Variants in ZBTB16 observed in about 807,000 individuals in gnomAD.
ZBTB16 encodes the protein zinc finger and BTB domain-containing protein 16.
In ZBTB16, 8 loss-of-function variants were observed where a neutral mutation model predicts 56.8. That is an observed-to-expected ratio of 0.14 (90% CI 0.08 to 0.25). The LOEUF (loss-of-function observed/expected upper bound fraction) is 0.25, where lower values mean the gene tolerates loss of function less well. Ranked by LOEUF, ZBTB16 falls within the 10% of genes least tolerant of loss-of-function variation. ZBTB16 has a pLI of 1.00. For synonymous variants in ZBTB16, 363 were observed against 368.5 expected, an observed-to-expected ratio of 0.98 and a Z score of 0.17; for missense variants, 625 against 903.0, an observed-to-expected ratio of 0.69 and a Z score of 3.95.
At chr11:114,122,294 G>T (rs1362075781) in intron 2 of ZBTB16, among the ~76,000 whole-genome samples, 1 of 152,170 alleles carries the variant, frequency 6.6e-6, no homozygotes, top group African/African-American at 2.4e-5. Context: ...TTTGTGGCGT[G>T]TTCTTTGGCA....
At chr11:114,091,822 G>C (rs980854439) in intron 2 of ZBTB16, among the ~76,000 whole-genome samples, 1 of 151,868 alleles carries the variant, frequency 6.6e-6, no homozygotes, top group Non-Finnish European at 1.5e-5. Context: ...AAACCAAATG[G>C]CCTCCCCTCC....
At chr11:114,116,631 G>A (rs1276383148) in intron 2 of ZBTB16, among the ~76,000 whole-genome samples, 1 of 152,138 alleles carries the variant, frequency 6.6e-6, no homozygotes, top group Non-Finnish European at 1.5e-5. Flanking sequence ...TACTAGATGT[G>A]TTTGGCTCTG....
rs199676604 is a variant in ZBTB16, at chr11:114,064,223, C to A, written c.923C>A (p.Pro308His). 28 of 1,613,988 alleles carry A rather than the reference C, an allele frequency of 1.7e-5. No individual in the cohort carries two copies. In the Admixed American group the frequency reaches 2.5e-4, roughly 14 times the overall value. The stretch of plus-strand genomic sequence containing the variant: ...GAGGAGAGTGCCGAGCAGGTGCCAC[C>A]CCCAGCTGAGGCTGGCCAGGCCCCC... ...GREESAEQVPPPAEAGQAPTG... is the reference protein window; with the variant it reads ...GREESAEQVPHPAEAGQAPTG... The change falls in exon 2 of 7, where the codon CCC (proline) becomes CAC (histidine). Residue 308 changes from proline (P) to histidine (H), a missense_variant. By Grantham distance (77) the Pro-to-His change is moderately conservative. This residue lies in a region of ZBTB16 where 384 missense variants were observed against 393.5 expected (regional missense o/e 0.98). Transcript: ENST00000335953. This position sits in a 1 kb window ranked among gnomAD's most constrained non-coding sequence, Gnocchi z 4.2.
chr11:114,155,915 C>T (rs1167814089), intron 2 of ZBTB16, among the ~76,000 whole-genome samples: 1 of 152,114 alleles, frequency 6.6e-6, no homozygotes, highest in Admixed American at 6.5e-5. Context: ...CCTCCTGGGT[C>T]CCATGGGCTC....
In ZBTB16 at chr11:114,143,582, T is replaced by C. The variant is rs919608864; in HGVS notation, c.1269-12755T>C. Among the ~76,000 whole-genome samples, 1 of 152,050 alleles carries C rather than the reference T, an allele frequency of 6.6e-6. No individual in the cohort carries two copies. Among genetic ancestry groups the C allele is most frequent in the Non-Finnish European group, 1.5e-5 (1 of 68,018 alleles). On this transcript the variant is annotated intron_variant, in intron 2 of 6. Coordinates refer to ENST00000335953, the MANE Select transcript of ZBTB16 (RefSeq NM_006006.6). The surrounding 1 kb of genome is among the most constrained non-coding windows in gnomAD (Gnocchi z 6.4). ...GTAGAAAAAATACGCTAGTGACAGG[T>C]CCTCCCTCCATCCCAGATGTGTGAT... is the stretch of plus-strand genomic sequence containing the variant.
At position 114,060,073 on chromosome 11, in the gene ZBTB16, A is replaced by C. The variant is rs1938759499; in HGVS notation, c.-91+191A>C. On this transcript the variant is annotated intron_variant, in intron 1 of 6. Transcript: ENST00000335953. This position sits in a 1 kb window ranked among gnomAD's most constrained non-coding sequence, Gnocchi z 6.0. ...CGCCACCGGTTGGGGGTCGGCTAGA[A>C]GGGGGAGCCCCGGCTGTCAGCCTGG... 6.6e-6 allele frequency among the ~76,000 whole-genome samples: 1 copy of C among 152,086 alleles called. No homozygotes were observed. Among genetic ancestry groups the C allele is most frequent in the Non-Finnish European group, 1.5e-5 (1 of 68,018 alleles).
intron 2 of ZBTB16, among the ~76,000 whole-genome samples, chr11:114,109,819 A>G (rs1020638586): frequency 6.6e-6 from 1 of 152,054 alleles, no homozygotes; most frequent in Non-Finnish European, 1.5e-5. Flanking sequence ...TCTCTTAGGG[A>G]ACTTGGTTCT....
chr11:114,255,595 C>T lies in ZBTB16; in HGVS notation c.*5040C>T, dbSNP rs1944989360. Reference sequence around the variant, plus strand: ...CCGAGTTGTGCTTGCCGCTCCTTATCTGTTCTAGTTCCGAAGCAGTTTCAC... The same window carrying T: ...CCGAGTTGTGCTTGCCGCTCCTTATTTGTTCTAGTTCCGAAGCAGTTTCAC... On this transcript the variant is annotated 3_prime_UTR_variant, in exon 7 of 7. Coordinates refer to ENST00000335953, the MANE Select transcript of ZBTB16 (RefSeq NM_006006.6). Among the ~76,000 whole-genome samples the T allele has an allele frequency of 6.6e-6, 1 of 151,754 alleles. No homozygotes were observed. The highest frequency in any genetic ancestry group is 2.4e-5 in the African/African-American group (1 of 41,306).
At chr11:114,191,524 C>T (rs183515550) in intron 4 of ZBTB16, among the ~76,000 whole-genome samples, 154 of 152,254 alleles carry the variant, frequency 1.0e-3, no homozygotes, top group African/African-American at 2.8e-3. Context: ...AGCCTAGAAG[C>T]TACCCACTAG....
chr11:114,112,461 G>A (rs1161135104), intron 2 of ZBTB16, among the ~76,000 whole-genome samples: 2 of 152,190 alleles, frequency 1.3e-5, no homozygotes. Context: ...ACGAAGATGA[G>A]GAAGGGAGGG....
At chr11:114,243,474 T>C (rs1207838834) in intron 5 of ZBTB16, among the ~76,000 whole-genome samples, 1 of 152,330 alleles carries the variant, frequency 6.6e-6, no homozygotes, top group Non-Finnish European at 1.5e-5. Context: ...TAAGGAGCCT[T>C]CCTGGCTGTC....
At chr11:114,121,990 C>A in intron 2 of ZBTB16, 2 of 336,146 alleles carry the variant, frequency 5.9e-6, no homozygotes, top group Non-Finnish European at 1.2e-5. Context: ...TTACTGAGGA[C>A]TGAAATGGCT....
intron 3 of ZBTB16, among the ~76,000 whole-genome samples, chr11:114,173,324 C>G (rs571042066): frequency 6.6e-6 from 1 of 152,040 alleles, no homozygotes; most frequent in African/African-American, 2.4e-5. Flanking sequence ...CTGGCAGCAT[C>G]GAGGTGCCAC....
At chr11:114,149,773 T>G (rs898392117) in intron 2 of ZBTB16, among the ~76,000 whole-genome samples, 1 of 152,182 alleles carries the variant, frequency 6.6e-6, no homozygotes, top group Non-Finnish European at 1.5e-5. Context: ...GTAATTTCCC[T>G]TATGCCTTGA....
At chr11:114,122,200 C>G (rs974421661) in intron 2 of ZBTB16, among the ~76,000 whole-genome samples, 1 of 152,158 alleles carries the variant, frequency 6.6e-6, no homozygotes, top group African/African-American at 2.4e-5. Context: ...TCCTTAGAAT[C>G]TGTAATAGAT....
At chr11:114,110,778 T>C (rs1373879155) in intron 2 of ZBTB16, among the ~76,000 whole-genome samples, 1 of 152,218 alleles carries the variant, frequency 6.6e-6, no homozygotes. Flanking sequence ...TACCTGATGC[T>C]GAAGGGTAGA....
rs1940290197 is a variant in ZBTB16, at chr11:114,094,066, A to C, written c.1268+29498A>C. On this transcript the variant is annotated intron_variant, in intron 2 of 6. Transcript: ENST00000335953. ...CGCGGTGGCTCACGCCTGTAATCCC[A>C]GCACTTTGGGAGGCCGAGGCAGGTG... 2.6e-5 allele frequency among the ~76,000 whole-genome samples: 4 copies of C among 152,210 alleles called. No homozygotes were observed. In the South Asian group the frequency reaches 8.3e-4, roughly 32 times the overall value.
chr11:114,132,679 A>G (rs373185893), intron 2 of ZBTB16, among the ~76,000 whole-genome samples: 1 of 152,354 alleles, frequency 6.6e-6, no homozygotes, highest in East Asian at 1.9e-4. Context: ...AGCAACGGCA[A>G]TACCATTTAT....
At chr11:114,168,675 A>G (rs1942863566) in intron 3 of ZBTB16, among the ~76,000 whole-genome samples, 1 of 152,166 alleles carries the variant, frequency 6.6e-6, no homozygotes, top group African/African-American at 2.4e-5. Flanking sequence ...ATAGTATAGC[A>G]TGCTGCTATA....
Sources: gnomAD v4.1 joint callset for allele counts (sites outside exome capture counted in the v4.1 genomes callset) on GRCh38, gnomAD v4.1.1 for gene constraint, gnomAD v4.1.1 regional missense constraint, Gnocchi (gnomAD v3.1) non-coding constraint, MANE v1.5 for transcripts, NCBI Gene and HGNC (gene_info 2026-07-23, HGNC 2026-07-21) for gene names.